The following HECW1 variants were observed in gnomAD, a reference collection of about 807,000 sequenced individuals.
The protein encoded by HECW1 is E3 ubiquitin-protein ligase HECW1.
Under a neutral mutation model 182.3 loss-of-function variants are expected in HECW1, and 61 were observed. The observed-to-expected ratio is 0.33, with a 90% confidence interval of 0.27 to 0.41. The LOEUF (loss-of-function observed/expected upper bound fraction) is 0.41, where lower values mean the gene tolerates loss of function less well. HECW1 is among the 10% of genes least tolerant of loss of function. HECW1 has a pLI of 1.00. For missense variants in HECW1, 1,739 were observed against 2,108.9 expected (o/e 0.82, Z 3.44); for synonymous variants, 859 against 832.6 (o/e 1.03, Z -0.55).
At chr7:43,144,693 T>C (rs1788513206) in intron 2 of HECW1, among the ~76,000 whole-genome samples, 1 of 152,204 alleles carries the variant, frequency 6.6e-6, no homozygotes. Context: ...GTTGCTTTAT[T>C]TTCTAGAGCA....
chr7:43,370,052 A>T (rs1288825484), intron 6 of HECW1, among the ~76,000 whole-genome samples: 1 of 152,238 alleles, frequency 6.6e-6, no homozygotes, highest in African/African-American at 2.4e-5. Context: ...ATGTTCCATC[A>T]AGAGAATGAG....
chr7:43,245,209 C>T (rs1258455819), intron 3 of HECW1, among the ~76,000 whole-genome samples: 1 of 152,152 alleles, frequency 6.6e-6, no homozygotes, highest in African/African-American at 2.4e-5. Context: ...GAGCCACTTC[C>T]TCTGTACCAT....
At chr7:43,492,916 TA>T (rs2152919568) in intron 18 of HECW1, among the ~76,000 whole-genome samples, 167 bp from the exon 19 acceptor site, 1 of 152,286 alleles carries the variant, frequency 6.6e-6, no homozygotes, top group Non-Finnish European at 1.5e-5. Context: ...ATAATGTTAT[TA>T]TGTCATATTT....
chr7:43,355,116 G>A (rs1398603460), intron 5 of HECW1, among the ~76,000 whole-genome samples: 1 of 150,976 alleles, frequency 6.6e-6, no homozygotes, highest in Non-Finnish European at 1.5e-5. Context: ...ATTTCCCAGA[G>A]AAACAAAGGC....
At chr7:43,508,337 G>C (rs924153638) in intron 23 of HECW1, among the ~76,000 whole-genome samples, 1 of 152,132 alleles carries the variant, frequency 6.6e-6, no homozygotes, top group African/African-American at 2.4e-5. Context: ...TAAGATTATT[G>C]ACATGCACAA....
intron 17 of HECW1, among the ~76,000 whole-genome samples, chr7:43,486,350 G>A (rs1036484217): frequency 2.7e-4 from 41 of 151,614 alleles, no homozygotes; most frequent in African/African-American, 8.5e-4. Context: ...GCAATGGCAC[G>A]GAGTGCAATG....
chr7:43,410,657 G>GT (rs2075771996), intron 8 of HECW1, among the ~76,000 whole-genome samples: 1 of 152,158 alleles, frequency 6.6e-6, no homozygotes, highest in South Asian at 2.1e-4. Flanking sequence ...TTAGGCTGGA[G>GT]TTTCTCTGTG....
At chr7:43,417,695 C>CA (rs2076057311) in intron 8 of HECW1, among the ~76,000 whole-genome samples, 1 of 151,408 alleles carries the variant, frequency 6.6e-6, no homozygotes, top group Admixed American at 6.6e-5. Context: ...GACCCCATCT[C>CA]AAAAAAAAGG....
At chr7:43,206,651 C>T (rs1019837517) in intron 2 of HECW1, among the ~76,000 whole-genome samples, 1 of 152,182 alleles carries the variant, frequency 6.6e-6, no homozygotes, top group African/African-American at 2.4e-5. Flanking sequence ...CCCCACCTCC[C>T]ATACTGGGTG....
chr7:43,130,689 C>A (rs930699715), intron 2 of HECW1, among the ~76,000 whole-genome samples: 2 of 152,172 alleles, frequency 1.3e-5, no homozygotes, highest in Admixed American at 6.5e-5. Context: ...TAGACAATGA[C>A]AACAAACATC....
chr7:43,409,104 A>G (rs1376899995), intron 8 of HECW1, among the ~76,000 whole-genome samples: 1 of 152,180 alleles, frequency 6.6e-6, no homozygotes, highest in Non-Finnish European at 1.5e-5. Flanking sequence ...ATTTTTTATT[A>G]TCTATTAAAT....
chr7:43,559,522 C>T (rs1379460516), intron 29 of HECW1, among the ~76,000 whole-genome samples: 1 of 152,172 alleles, frequency 6.6e-6, no homozygotes, highest in African/African-American at 2.4e-5. Context: ...TGGCGTTGAT[C>T]CTCCCCATAA....
chr7:43,204,194 A>G (rs1795258587), intron 2 of HECW1, among the ~76,000 whole-genome samples: 1 of 152,208 alleles, frequency 6.6e-6, no homozygotes. Context: ...TTGCTCCATC[A>G]TTGTGTTAGT....
intron 5 of HECW1, among the ~76,000 whole-genome samples, chr7:43,355,554 T>A (rs1815018183): frequency 1.3e-5 from 2 of 152,192 alleles, no homozygotes; most frequent in Admixed American, 6.5e-5. Context: ...TCTATAAGAT[T>A]TTTTTGTAAG....
In HECW1 at chr7:43,554,484, C is replaced by T. The variant is rs187120849; in HGVS notation, c.4511-108C>T. On this transcript the variant is annotated intron_variant, in intron 28 of 29. Transcript: ENST00000395891. ...ATCACAAGAGAAATCAGATCAAAAG[C>T]AGCGGTTCCGTTCCTATCATACCTG... The T allele has an allele frequency of 8.2e-4, 765 of 931,848 alleles. 2 individuals are homozygous for T. The highest frequency in any genetic ancestry group is 1.1e-3 in the Non-Finnish European group (657 of 606,730). 57.7% of individuals were successfully genotyped at this position (931,848 alleles called of 1,614,324 possible).
At chr7:43,343,578 C>G (rs1813299851) in intron 5 of HECW1, among the ~76,000 whole-genome samples, 1 of 151,676 alleles carries the variant, frequency 6.6e-6, no homozygotes, top group Admixed American at 6.6e-5. Context: ...CATCCATGTC[C>G]CTGCAAAGGA....
chr7:43,387,046 C>A (rs1243142208), intron 6 of HECW1, among the ~76,000 whole-genome samples: 1 of 152,120 alleles, frequency 6.6e-6, no homozygotes, highest in Non-Finnish European at 1.5e-5. Context: ...CATGATCCAG[C>A]CATTTAGAAG....
At chr7:43,427,939 G>C (rs1339659385) in intron 8 of HECW1, among the ~76,000 whole-genome samples, 1 of 152,144 alleles carries the variant, frequency 6.6e-6, no homozygotes, top group Non-Finnish European at 1.5e-5. Flanking sequence ...AATTAGGTCA[G>C]GCTCACCCAA....
chr7:43,473,964 G>C (rs2078121282), intron 16 of HECW1, among the ~76,000 whole-genome samples: 1 of 152,138 alleles, frequency 6.6e-6, no homozygotes, highest in South Asian at 2.1e-4. Context: ...GTGGAAACAT[G>C]ATAAACTTAG....
Sources: allele counts gnomAD v4.1 joint callset (sites outside exome capture counted in the v4.1 genomes callset), GRCh38; gene constraint gnomAD v4.1.1; transcripts MANE v1.5; gene names NCBI Gene and HGNC (gene_info 2026-07-23, HGNC 2026-07-21).